Variants in SCYL3 observed in about 807,000 individuals in gnomAD.
The protein encoded by SCYL3 is SCY1 like pseudokinase 3.
SCYL3 carries 35 observed loss-of-function variants against 73.8 expected under a neutral mutation model. The ratio of observed to expected loss-of-function variants is 0.47; its 90% CI spans 0.36 to 0.63. The LOEUF (loss-of-function observed/expected upper bound fraction) is 0.63. Among genes scored for constraint, SCYL3 ranks in the 20% least tolerant of loss-of-function variants. The pLI is 0.00. For missense variants in SCYL3, 712 were observed against 798.9 expected, an observed-to-expected ratio of 0.89 and a Z score of 1.31; for synonymous variants, 277 against 295.2, an observed-to-expected ratio of 0.94 and a Z score of 0.63.
intron 2 of SCYL3, among the ~76,000 whole-genome samples, chr1:169,887,800 T>G (rs778632754): frequency 6.6e-6 from 1 of 152,166 alleles, no homozygotes; most frequent in African/African-American, 2.4e-5. Flanking sequence ...AAATTACTGT[T>G]GTGAAGACCA....
chr1:169,854,499 A>C lies in SCYL3; in HGVS notation c.1778T>G (p.Leu593Arg). Residue 593 changes from leucine (L) to arginine (R), a missense_variant, in exon 12 of 13, where the codon CTT (leucine) becomes CGT (arginine). Around this residue, in one of 2 missense-constraint regions of SCYL3, gnomAD observed 370 missense variants for 350.8 expected, o/e 1.05. Coordinates refer to ENST00000367771, the MANE Select transcript of SCYL3 (RefSeq NM_020423.7). ...TAAACCAAGTTCTGATGGAACCTTAAGGGGCCTTTCTTGTGATGACACTTT... is the reference window on the plus strand; with the variant it reads ...TAAACCAAGTTCTGATGGAACCTTACGGGGCCTTTCTTGTGATGACACTTT... Reference protein sequence around the residue: ...PPKVSSQERPLKVPSELGLGE... With the variant: ...PPKVSSQERPRKVPSELGLGE... 1 of 1,614,066 alleles carries C rather than the reference A, an allele frequency of 6.2e-7. No individual in the cohort carries two copies. The highest frequency in any genetic ancestry group is 8.5e-7 in the Non-Finnish European group (1 of 1,179,978).
intron 11 of SCYL3, among the ~76,000 whole-genome samples, chr1:169,856,570 C>T (rs1356852372): frequency 6.6e-6 from 1 of 152,136 alleles, no homozygotes; most frequent in East Asian, 1.9e-4. Context: ...CCCCAGCTCT[C>T]TTCAGCACCA....
chr1:169,854,650 C>T lies in SCYL3; in HGVS notation c.1627G>A (p.Gly543Arg), dbSNP rs201275933. The change falls in exon 12 of 13, where the codon GGG becomes AGG. Residue 543 changes from glycine (G) to arginine (R), a missense_variant. Gly to Arg is a moderately radical substitution (Grantham distance 125, BLOSUM62 -2). Coordinates refer to ENST00000367771, the MANE Select transcript of SCYL3 (RefSeq NM_020423.7). The stretch of plus-strand genomic sequence containing the variant: ...AAAGCAGGAATAGGCTTCTGCTCCC[C>T]TGAGGTAACAGGTTTTGTAGCAGTG... ...GITATKPVTS[G>R]EQKPIPALLS... 2.2e-5 allele frequency: 36 copies of T among 1,614,088 alleles called. No homozygotes were observed. The Admixed American group carries it at 5.2e-4, about 23-fold the overall frequency.
At chr1:169,871,434 A>C (rs1389187278) in intron 5 of SCYL3, among the ~76,000 whole-genome samples, 1 of 152,204 alleles carries the variant, frequency 6.6e-6, no homozygotes, top group East Asian at 1.9e-4. Flanking sequence ...CATGATTTTA[A>C]GGAACTCCCC....
Position 169,854,863 on chromosome 1 carries a change from A to ACTT in SCYL3, c.1411_1413dup (p.Lys471dup), listed in dbSNP as rs1213264696. 6.2e-7 allele frequency: 1 copy of ACTT among 1,613,950 alleles called. No homozygotes were observed. Among genetic ancestry groups the ACTT allele is most frequent in the African/African-American group, 1.3e-5 (1 of 75,004 alleles). ...TCACTCCAGTCAGGCCACTCCTCAG[A>ACTT]CTTTTTAGAACTTGATGGGAAGTTT... On this transcript the variant is annotated inframe_insertion, in exon 12 of 13. Transcript: ENST00000367771.
At chr1:169,854,180 T>C (rs1658882221) in intron 12 of SCYL3, 90 bp downstream of exon 12, 3 of 987,144 alleles carry the variant, frequency 3.0e-6, no homozygotes, top group Non-Finnish European at 2.9e-6. Context: ...GAAAATAGCA[T>C]GTTGCTTGTT....
chr1:169,855,655 G>A (rs1313323691), intron 11 of SCYL3: 4 of 715,602 alleles, frequency 5.6e-6, no homozygotes, highest in Non-Finnish European at 6.7e-6. Context: ...CAATAGTCTG[G>A]AGAAACAAGA....
intron 6 of SCYL3, among the ~76,000 whole-genome samples, chr1:169,869,926 A>G (rs1660277847): frequency 6.6e-6 from 1 of 152,252 alleles, no homozygotes; most frequent in African/African-American, 2.4e-5. Context: ...CATTAATGAT[A>G]GTTATGTACT....
At chr1:169,892,910 A>G (rs577233531) in intron 1 of SCYL3, among the ~76,000 whole-genome samples, 11 of 152,274 alleles carry the variant, frequency 7.2e-5, no homozygotes, top group Admixed American at 3.9e-4. Flanking sequence ...TTCCAAAGAT[A>G]ATGGCTTGCA....
Position 169,880,540 on chromosome 1 carries a change from TG to T in SCYL3, c.166-1722del, listed in dbSNP as rs575003551. On this transcript the variant is annotated intron_variant, in intron 2 of 12. Transcript: ENST00000367771. The stretch of plus-strand genomic sequence containing the variant: ...AGAAAAAACTATCAGCTTGGAATAC[TG>T]TATCTAAGCAAAAGTAACCTTCAGA... Among the ~76,000 whole-genome samples the T allele has an allele frequency of 1.2e-3, 110 of 93,056 alleles. 11 individuals carry two copies. The highest frequency in any genetic ancestry group is 3.4e-3 in the African/African-American group (100 of 29,010). The allele number at this position is 93,056 out of a possible 152,430, so 61.0% of individuals were successfully genotyped here.
intron 12 of SCYL3, 73 bp from the exon 13 acceptor site, chr1:169,853,845 A>C: frequency 1.3e-6 from 2 of 1,549,136 alleles, no homozygotes; most frequent in Non-Finnish European, 1.8e-6. Flanking sequence ...AAATTTGAAA[A>C]AGCAGGAATT....
At chr1:169,876,231 G>C (rs1660794143) in intron 3 of SCYL3, 140 bp from the exon 4 acceptor site, 2 of 472,128 alleles carry the variant, frequency 4.2e-6, no homozygotes, top group Non-Finnish European at 7.4e-6. Context: ...ATTATGACAA[G>C]CCTTCCCACT....
chr1:169,850,218 A>C lies in SCYL3; in HGVS notation c.*3495T>G. The C allele has an allele frequency of 7.8e-7, 1 of 1,279,354 alleles. No homozygotes were observed. The highest frequency in any genetic ancestry group is 1.2e-5 in the South Asian group (1 of 80,914). The allele number at this position is 1,279,354 out of a possible 1,614,324, so 79.3% of individuals were successfully genotyped here. A position where few individuals can be genotyped will look rare whatever the true frequency, so the allele number is the denominator to read the frequency against. ...TAAAACTCATCTATTTGTCTTTGCA[A>C]GTTGTTGAAATGTTAAAATTGGTCT... On this transcript the variant is annotated 3_prime_UTR_variant, in exon 13 of 13. Transcript: ENST00000367771.
chr1:169,867,105 T>C, intron 7 of SCYL3, 132 bp from the exon 8 acceptor site: 2 of 585,698 alleles, frequency 3.4e-6, no homozygotes, highest in Admixed American at 3.5e-5. Context: ...AAGATTCTAT[T>C]ACAACTAAGT....
chr1:169,862,602 TG>T lies in SCYL3; in HGVS notation c.1140+10del. 6.2e-7 allele frequency: 1 copy of T among 1,613,736 alleles called. No homozygotes were observed. The highest frequency in any genetic ancestry group is 8.5e-7 in the Non-Finnish European group (1 of 1,179,668). Reference sequence around the variant, plus strand: ...TTCTGTGACTACCCCACTGCAAACTTGGCCTCTGACCTGTGGCAAGATGACT... The same window carrying T: ...TTCTGTGACTACCCCACTGCAAACTTGCCTCTGACCTGTGGCAAGATGACT... On this transcript the variant is annotated intron_variant, in intron 10 of 12. Coordinates refer to ENST00000367771, the MANE Select transcript of SCYL3 (RefSeq NM_020423.7).
intron 1 of SCYL3, among the ~76,000 whole-genome samples, chr1:169,890,553 G>C (rs1480415967): frequency 6.6e-6 from 1 of 151,954 alleles, no homozygotes; most frequent in African/African-American, 2.4e-5. Flanking sequence ...TTCTACACTG[G>C]GTATGTAATG....
Position 169,862,810 on chromosome 1 carries a change from T to A in SCYL3, c.956-13A>T, listed in dbSNP as rs1266243429. On this transcript the variant is annotated splice_polypyrimidine_tract_variant and intron_variant, in intron 9 of 12. Transcript: ENST00000367771. ...CCCTGCGCATGATCTACCCGAAAAA[T>A]CAAAGGTTACAGATGAAAAAACAAA... 1.9e-6 allele frequency: 3 copies of A among 1,611,818 alleles called. No homozygotes were observed. The highest frequency in any genetic ancestry group is 4.5e-5 in the East Asian group (2 of 44,818).
At chr1:169,885,802 G>C (rs892197438) in intron 2 of SCYL3, among the ~76,000 whole-genome samples, 4 of 152,168 alleles carry the variant, frequency 2.6e-5, no homozygotes, top group Non-Finnish European at 5.9e-5. Context: ...AATTAGTTTA[G>C]AATGGCAGGT....
chr1:169,878,707 T>C lies in SCYL3; in HGVS notation c.278A>G (p.Glu93Gly). The C allele has an allele frequency of 6.2e-7, 1 of 1,613,980 alleles. No homozygotes were observed. Among genetic ancestry groups the C allele is most frequent in the East Asian group, 2.2e-5 (1 of 44,894 alleles). The part of the protein sequence containing the change: ...ERVQPLEVAL[E>G]TLSSAEVCAG... ...ACAGACCTCTGCAGAAGACAATGTT[T>C]CCAAAGCCACTTCCAGGGGCTGTAC... The change falls in exon 3 of 13, where the codon GAA (glutamate) becomes GGA (glycine). Residue 93 changes from glutamate to glycine, a missense_variant. This residue lies in a region of SCYL3 where 342 missense variants were observed against 448.1 expected (regional missense o/e 0.76). Transcript: ENST00000367771.
Sources: gnomAD v4.1 joint callset for allele counts (sites outside exome capture counted in the v4.1 genomes callset) on GRCh38, gnomAD v4.1.1 for gene constraint, gnomAD v4.1.1 regional missense constraint, MANE v1.5 for transcripts, NCBI Gene and HGNC (gene_info 2026-07-23, HGNC 2026-07-21) for gene names.